TRPC5OS: variants seen among roughly 807,000 people sequenced by gnomAD.
The protein encoded by TRPC5OS is TRPC5 opposite strand.
For synonymous variants in TRPC5OS, 30 were observed against 29.3 expected, an observed-to-expected ratio of 1.02 and a Z score of -0.08; for missense variants, 64 against 79.3, an observed-to-expected ratio of 0.81 and a Z score of 0.73.
chrX:111,895,675 G>T (rs948337969), intron 1 of TRPC5OS, among the ~76,000 whole-genome samples: 1 of 110,048 alleles, frequency 9.1e-6, no homozygotes, highest in Non-Finnish European at 1.9e-5. Context: ...TATTATTTTG[G>T]TATCTGGTAT....
intron 1 of TRPC5OS, among the ~76,000 whole-genome samples, chrX:111,886,850 A>G (rs1325577882): frequency 1.8e-5 from 2 of 112,677 alleles, no homozygotes; most frequent in Non-Finnish European, 3.7e-5. Context: ...GTATGTAAAT[A>G]TAGCTGCATC....
intron 1 of TRPC5OS, among the ~76,000 whole-genome samples, chrX:111,890,692 G>A (rs1234132061): frequency 9.0e-6 from 1 of 111,589 alleles, no homozygotes; most frequent in Non-Finnish European, 1.9e-5. Flanking sequence ...CGAAGAATCA[G>A]GTTCTTTTTA....
chrX:111,894,595 C>A (rs1168354692), intron 1 of TRPC5OS, among the ~76,000 whole-genome samples: 2 of 111,716 alleles, frequency 1.8e-5, no homozygotes, highest in African/African-American at 6.5e-5. Flanking sequence ...AGGGACACTG[C>A]CCTGCACATT....
intron 1 of TRPC5OS, among the ~76,000 whole-genome samples, chrX:111,887,980 T>C (rs2148604485): frequency 8.9e-6 from 1 of 111,803 alleles, no homozygotes; most frequent in Admixed American, 9.5e-5. Flanking sequence ...TAAGGAAGAC[T>C]CAGGACTGCC....
intron 1 of TRPC5OS, among the ~76,000 whole-genome samples, chrX:111,888,004 G>A (rs1226754363): frequency 8.9e-6 from 1 of 111,950 alleles, no homozygotes; most frequent in African/African-American, 3.3e-5. Flanking sequence ...TTGGGAGGGG[G>A]AGGTTAAAAT....
At chrX:111,899,799 C>T (rs1226687600) in intron 3 of TRPC5OS, among the ~76,000 whole-genome samples, 1 of 111,492 alleles carries the variant, frequency 9.0e-6, no homozygotes, top group Non-Finnish European at 1.9e-5. Context: ...CTTGATTTCT[C>T]TCCATATTTT....
chrX:111,898,787 G>T (rs1054926870), intron 3 of TRPC5OS, among the ~76,000 whole-genome samples: 2 of 110,207 alleles, frequency 1.8e-5, no homozygotes, highest in African/African-American at 6.6e-5. Flanking sequence ...AATGATTAGG[G>T]GCTTTACCCA....
chrX:111,887,158 A>G (rs1046376323), intron 1 of TRPC5OS, among the ~76,000 whole-genome samples: 7 of 112,619 alleles, frequency 6.2e-5, no homozygotes, highest in Non-Finnish European at 1.1e-4. Context: ...TTGGACTCTC[A>G]CATCTCCCTT....
rs778264093 is a variant in TRPC5OS at position 111,896,426 on chromosome X, G to A, written c.-380G>A. ...TTGCAGGAGCGTTCACATCCTGTTT[G>A]GAAACAAAGTCTGCAAATTGTTTAA... is the stretch of plus-strand genomic sequence containing the variant. On this transcript the variant is annotated 5_prime_UTR_variant, in exon 3 of 4. Coordinates refer to ENST00000635763, the MANE Select transcript of TRPC5OS (RefSeq NM_001195578.2). The A allele has an allele frequency of 9.2e-6, 1 of 108,927 alleles. No homozygotes were observed. Among genetic ancestry groups the A allele is most frequent in the East Asian group, 2.9e-4 (1 of 3,422 alleles). The allele number at this position is 108,927 out of a possible 1,213,427, so 9.0% of individuals were successfully genotyped here.
intron 1 of TRPC5OS, among the ~76,000 whole-genome samples, chrX:111,891,495 A>G (rs1285526574): frequency 1.8e-5 from 2 of 111,625 alleles, no homozygotes; most frequent in Non-Finnish European, 3.8e-5. Context: ...CATATCCTCA[A>G]TTGTAAAATA....
chrX:111,880,082 TGC>T (rs1183980022), intron 1 of TRPC5OS, among the ~76,000 whole-genome samples: 1 of 109,985 alleles, frequency 9.1e-6, no homozygotes, highest in Non-Finnish European at 1.9e-5. Flanking sequence ...ATTCATTTGT[TGC>T]TGCTTTTTTT....
intron 1 of TRPC5OS, among the ~76,000 whole-genome samples, chrX:111,877,897 C>T (rs763200044): frequency 5.4e-5 from 6 of 110,664 alleles, no homozygotes; most frequent in East Asian, 2.9e-4. Context: ...CAATAAAGAG[C>T]GAAATTTTTA....
At chrX:111,876,518 C>T (rs1013388490) in intron 1 of TRPC5OS, among the ~76,000 whole-genome samples, 2 of 111,575 alleles carry the variant, frequency 1.8e-5, no homozygotes, top group Admixed American at 9.5e-5. Context: ...TTTTTCCTTG[C>T]CAGTCTGAGA....
chrX:111,876,996 C>T (rs1156415755), intron 1 of TRPC5OS, among the ~76,000 whole-genome samples: 1 of 111,697 alleles, frequency 9.0e-6, no homozygotes, highest in Non-Finnish European at 1.9e-5. Context: ...TTCTGTAAAA[C>T]TTCAATATTG....
intron 1 of TRPC5OS, among the ~76,000 whole-genome samples, chrX:111,888,433 G>C (rs1166384754): frequency 9.4e-6 from 1 of 106,618 alleles, no homozygotes; most frequent in African/African-American, 3.4e-5. Context: ...CCAGAACTTT[G>C]GGAGGCCGAG....
chrX:111,881,051 G>T (rs1924188760), intron 1 of TRPC5OS, among the ~76,000 whole-genome samples: 1 of 112,077 alleles, frequency 8.9e-6, no homozygotes, highest in Non-Finnish European at 1.9e-5. Context: ...AATGCCAATT[G>T]CACATTGTGG....
rs753905931 is a variant in TRPC5OS at position 111,882,514 on chromosome X, G to A, written c.-546+6241G>A. Among the ~76,000 whole-genome samples the A allele has an allele frequency of 8.8e-5, 10 of 113,026 alleles. No individual in the cohort carries two copies. In the South Asian group the frequency reaches 3.6e-3, roughly 41 times the overall value. ...AGCTGCAATTTAGCCAAGGTCTGAT[G>A]ACAGCTTAATCAAGACAAGGCCAAG... On this transcript the variant is annotated intron_variant, in intron 1 of 3. Transcript: ENST00000635763.
At chrX:111,888,693 CAAAAAAAAAAA>C (rs753735549) in intron 1 of TRPC5OS, among the ~76,000 whole-genome samples, 2 of 10,985 alleles carry the variant, frequency 1.8e-4, no homozygotes, top group Admixed American at 1.5e-3. Context: ...GACTCTATCT[CAAAAAAAAAAA>C]AAAAAAAAAA....
intron 1 of TRPC5OS, among the ~76,000 whole-genome samples, chrX:111,893,783 T>C (rs775415604): frequency 8.9e-6 from 1 of 112,377 alleles, no homozygotes; most frequent in South Asian, 3.8e-4. Context: ...TGTCAGATCC[T>C]ATAACAGGCA....
Sources: allele counts gnomAD v4.1 joint callset (sites outside exome capture counted in the v4.1 genomes callset), GRCh38; gene constraint gnomAD v4.1.1; transcripts MANE v1.5; gene names NCBI Gene and HGNC (gene_info 2026-07-23, HGNC 2026-07-21).